XIRP2: variants seen among roughly 807,000 people sequenced by gnomAD.
XIRP2 encodes xin actin binding repeat containing 2, also known as xin actin-binding repeat-containing protein 2.
A neutral mutation model predicts 277.0 loss-of-function variants in XIRP2; 236 were observed. That is an observed-to-expected ratio of 0.85 (90% CI 0.77 to 0.95). The LOEUF (loss-of-function observed/expected upper bound fraction) is 0.95, where lower values mean the gene tolerates loss of function less well. Ranked by LOEUF, XIRP2 falls within the 40% of genes least tolerant of loss-of-function variation. The probability of loss-of-function intolerance (pLI) is 0.00; values close to 1 mark genes in which losing one functional copy is unlikely to be tolerated. For missense variants in XIRP2, 4,640 were observed against 4,157.5 expected, an observed-to-expected ratio of 1.12 and a Z score of -3.19; for synonymous variants, 1,490 against 1,416.5, an observed-to-expected ratio of 1.05 and a Z score of -1.17.
At chr2:167,184,151 C>A (rs1467464461) in intron 3 of XIRP2, among the ~76,000 whole-genome samples, 1 of 152,150 alleles carries the variant, frequency 6.6e-6, no homozygotes, top group Non-Finnish European at 1.5e-5. Flanking sequence ...AATGCCAAAA[C>A]CTTTGCTGGT....
In XIRP2 at chr2:167,251,941, A is replaced by G. The variant is rs993913167; in HGVS notation, c.10549A>G (p.Ile3517Val). 5.2e-6 allele frequency: 8 copies of G among 1,547,912 alleles called. No individual in the cohort carries two copies. The East Asian group carries it at 6.7e-5, about 13-fold the overall frequency. ...CACCTTCCAAGAGGAATCTGCATTT[A>G]TAAGTGGTAAATGAGCTTGCAATGT... ...RTTFQEESAF[I>V]SEAAAPRQGN... The change falls in exon 9 of 11, where the codon ATA becomes GTA. Residue 3517 changes from isoleucine (I) to valine (V), a missense_variant. Transcript: ENST00000409195.
intron 2 of XIRP2, among the ~76,000 whole-genome samples, chr2:167,015,793 G>A (rs1201818774): frequency 6.6e-6 from 1 of 151,590 alleles, no homozygotes; most frequent in African/African-American, 2.4e-5. Flanking sequence ...AGAGATGTTG[G>A]TATAATTTGT....
At chr2:167,004,505 T>G in intron 2 of XIRP2, among the ~76,000 whole-genome samples, 1 of 151,858 alleles carries the variant, frequency 6.6e-6, no homozygotes, top group East Asian at 1.9e-4. Flanking sequence ...TACCAGACCA[T>G]ACATTGAATA....
At chr2:167,119,640 G>A (rs1012954858) in intron 2 of XIRP2, among the ~76,000 whole-genome samples, 3 of 152,126 alleles carry the variant, frequency 2.0e-5, no homozygotes, top group Non-Finnish European at 2.9e-5. Flanking sequence ...TTTGATAGGT[G>A]CCCAATGTTT....
chr2:167,077,203 T>G (rs2105257497), intron 2 of XIRP2, among the ~76,000 whole-genome samples: 1 of 152,246 alleles, frequency 6.6e-6, no homozygotes, highest in Middle Eastern at 3.4e-3. Flanking sequence ...AGAAAAAGAT[T>G]ATTATTCACT....
chr2:167,017,372 C>T (rs2105479568), intron 2 of XIRP2, among the ~76,000 whole-genome samples: 2 of 151,930 alleles, frequency 1.3e-5, no homozygotes, highest in East Asian at 3.9e-4. Context: ...CCAAGTAGAT[C>T]ACATGGGTTC....
chr2:167,217,863 A>G (rs1197436989), intron 4 of XIRP2, among the ~76,000 whole-genome samples: 1 of 152,114 alleles, frequency 6.6e-6, no homozygotes, highest in Admixed American at 6.6e-5. Flanking sequence ...ATTACAGGAG[A>G]AATACCGTGC....
chr2:167,242,193 C>G (rs146822685), intron 8 of XIRP2, among the ~76,000 whole-genome samples: 1 of 152,090 alleles, frequency 6.6e-6, no homozygotes, highest in Non-Finnish European at 1.5e-5. Context: ...CAGATGCTTA[C>G]TCTGTTCTGT....
chr2:167,029,458 A>G (rs1041767056), intron 2 of XIRP2, among the ~76,000 whole-genome samples: 12 of 152,056 alleles, frequency 7.9e-5, no homozygotes, highest in African/African-American at 2.9e-4. Flanking sequence ...ATCTATTGAG[A>G]TAGAGCATGT....
intron 10 of XIRP2, among the ~76,000 whole-genome samples, chr2:167,256,684 G>T (rs1695667112): frequency 1.3e-5 from 2 of 151,622 alleles, no homozygotes. Context: ...GTACATTTCT[G>T]TTTCTCATTT....
rs756396781 is a variant in XIRP2 at position 167,246,613 on chromosome 2, G to A, written c.5221G>A (p.Gly1741Arg). The A allele has an allele frequency of 4.3e-6, 7 of 1,613,714 alleles. No homozygotes were observed. Among genetic ancestry groups the A allele is most frequent in the Non-Finnish European group, 5.9e-6 (7 of 1,179,784 alleles). ...ERAKIDASER[G>R]NVQFFTTCIE... ...GGCTAAAATTGATGCCTCTGAGAGA[G>A]GAAATGTTCAGTTTTTCACAACCTG... The change falls in exon 9 of 11, where the codon GGA becomes AGA. Residue 1741 changes from glycine to arginine, a missense_variant. By Grantham distance (125) the Gly-to-Arg change is moderately radical. Coordinates refer to ENST00000409195, the MANE Select transcript of XIRP2 (RefSeq NM_152381.6).
chr2:167,070,792 C>G (rs1015461228), intron 2 of XIRP2, among the ~76,000 whole-genome samples: 2 of 152,086 alleles, frequency 1.3e-5, no homozygotes, highest in Admixed American at 6.6e-5. Context: ...CATACCATGA[C>G]TTTGGCATTT....
chr2:167,232,887 A>G (rs1694801088), intron 5 of XIRP2, among the ~76,000 whole-genome samples: 1 of 151,920 alleles, frequency 6.6e-6, no homozygotes, highest in Non-Finnish European at 1.5e-5. Context: ...TAAGGAGCTG[A>G]TAATCATTAG....
chr2:166,923,440 A>G (rs906020915), intron 2 of XIRP2, among the ~76,000 whole-genome samples: 1 of 152,176 alleles, frequency 6.6e-6, no homozygotes, highest in Non-Finnish European at 1.5e-5. Context: ...TTCAGTATGG[A>G]CATTACTAGT....
At chr2:167,076,136 GA>G (rs938155541) in intron 2 of XIRP2, among the ~76,000 whole-genome samples, 4 of 149,886 alleles carry the variant, frequency 2.7e-5, no homozygotes, top group South Asian at 2.1e-4. Context: ...TACTGATTAT[GA>G]AAAAAAAAGT....
At position 167,246,098 on chromosome 2, in the gene XIRP2, G is replaced by C; in HGVS notation, c.4706G>C (p.Gly1569Ala). 1 of 1,613,572 alleles carries C rather than the reference G, an allele frequency of 6.2e-7. No homozygotes were observed. Among genetic ancestry groups the C allele is most frequent in the Non-Finnish European group, 8.5e-7 (1 of 1,179,752 alleles). The change falls in exon 9 of 11, where the codon GGA (glycine) becomes GCA (alanine). Residue 1569 changes from glycine (G) to alanine (A), a missense_variant. Gly to Ala is a moderately conservative substitution (Grantham distance 60, BLOSUM62 0). Coordinates refer to ENST00000409195, the MANE Select transcript of XIRP2 (RefSeq NM_152381.6). ...TCTCAAAAAGTTATCCAGGCTCCTGGAATCATCATTGAAGCTGATGAAATA... is the reference window on the plus strand; with the variant it reads ...TCTCAAAAAGTTATCCAGGCTCCTGCAATCATCATTGAAGCTGATGAAATA... ...LYSQKVIQAP[G>A]IIIEADEIGD... is the part of the protein sequence containing the mutation.
At position 167,218,895 on chromosome 2, in the gene XIRP2, T is replaced by C. The variant is rs1405270796; in HGVS notation, c.858+595T>C. 2.0e-5 allele frequency among the ~76,000 whole-genome samples: 3 copies of C among 152,178 alleles called. No homozygotes were observed. In the East Asian group the frequency reaches 5.8e-4, roughly 29 times the overall value. The stretch of plus-strand genomic sequence containing the variant: ...ATACTGTCATGAGATTTAGTGATTT[T>C]TGAATGTGAGAATCTTAGTAATAAA... On this transcript the variant is annotated intron_variant, in intron 5 of 10. Transcript: ENST00000409195.
At chr2:166,898,863 C>T (rs955132178) in intron 1 of XIRP2, among the ~76,000 whole-genome samples, 6 of 152,122 alleles carry the variant, frequency 3.9e-5, no homozygotes, top group Non-Finnish European at 7.4e-5. Flanking sequence ...GTTATTGAAA[C>T]GGTACTTTTA....
intron 2 of XIRP2, among the ~76,000 whole-genome samples, chr2:167,082,687 T>C (rs1689774040): frequency 6.6e-6 from 1 of 152,266 alleles, no homozygotes; most frequent in Non-Finnish European, 1.5e-5. Context: ...TGCATTTCTC[T>C]GATGGCCACT....
Sources: allele counts gnomAD v4.1 joint callset (sites outside exome capture counted in the v4.1 genomes callset), GRCh38; gene constraint gnomAD v4.1.1; transcripts MANE v1.5; gene names NCBI Gene and HGNC (gene_info 2026-07-23, HGNC 2026-07-21).